INPP4B: variants seen among roughly 807,000 people sequenced by gnomAD.
INPP4B encodes the protein inositol polyphosphate-4-phosphatase type II B.
In INPP4B, 55 loss-of-function variants were observed where a neutral mutation model predicts 122.5. The ratio of observed to expected loss-of-function variants is 0.45; its 90% CI spans 0.36 to 0.56. The LOEUF (loss-of-function observed/expected upper bound fraction) is 0.56, where lower values mean the gene tolerates loss of function less well. Among genes scored for constraint, INPP4B ranks in the 20% least tolerant of loss-of-function variants. The probability of loss-of-function intolerance (pLI) is 0.00; values close to 1 mark genes in which losing one functional copy is unlikely to be tolerated. For synonymous variants in INPP4B, 403 were observed against 388.7 expected (o/e 1.04, Z -0.43); for missense variants, 1,000 against 1,097.7 (o/e 0.91, Z 1.26).
rs181700776 is a variant in INPP4B at position 142,376,184 on chromosome 4, T to A, written c.372+26754A>T. Among the ~76,000 whole-genome samples the A allele has an allele frequency of 5.3e-4, 80 of 152,122 alleles. 1 individual carries two copies. Among genetic ancestry groups the A allele is most frequent in the Middle Eastern group, 3.4e-3 (1 of 294 alleles). On this transcript the variant is annotated intron_variant, in intron 7 of 25. Coordinates refer to ENST00000262992, the MANE Select transcript of INPP4B (RefSeq NM_001101669.3). ...AAATTGTGACACAACTGAAACCTAG[T>A]GTAGCAAATATAATTTCTAGGAACT...
intron 3 of INPP4B, among the ~76,000 whole-genome samples, chr4:142,440,620 C>T (rs963921960): frequency 2.0e-5 from 3 of 152,030 alleles, no homozygotes; most frequent in Admixed American, 6.6e-5. Context: ...AAATACAAGC[C>T]CTATTAACCC....
chr4:142,394,675 A>G (rs149247748), intron 7 of INPP4B, among the ~76,000 whole-genome samples: 1 of 152,184 alleles, frequency 6.6e-6, no homozygotes, highest in East Asian at 1.9e-4. Flanking sequence ...TTGTTTTCTC[A>G]TTATTGAGTT....
intron 2 of INPP4B, among the ~76,000 whole-genome samples, chr4:142,616,353 G>T (rs1340369514): frequency 2.0e-5 from 3 of 152,274 alleles, no homozygotes; most frequent in Non-Finnish European, 4.4e-5. Flanking sequence ...ACTTCAGAGA[G>T]ATATCTCCCA....
chr4:142,718,598 T>G (rs1230888158), intron 2 of INPP4B, among the ~76,000 whole-genome samples: 2 of 152,146 alleles, frequency 1.3e-5, no homozygotes, highest in African/African-American at 4.8e-5. Flanking sequence ...GAATAGCACT[T>G]TCTCATGGCA....
At chr4:142,428,821 G>A (rs930899456) in intron 5 of INPP4B, among the ~76,000 whole-genome samples, 11 of 151,954 alleles carry the variant, frequency 7.2e-5, no homozygotes, top group African/African-American at 2.7e-4. Context: ...GAAATTATAG[G>A]TGGCCAGTCT....
At chr4:142,150,796 A>G (rs570039996) in intron 17 of INPP4B, among the ~76,000 whole-genome samples, 1 of 152,310 alleles carries the variant, frequency 6.6e-6, no homozygotes, top group East Asian at 1.9e-4. Flanking sequence ...ATGTCACACA[A>G]TTGTGAGTTT....
chr4:142,806,805 A>C (rs997834931), intron 1 of INPP4B, among the ~76,000 whole-genome samples: 1 of 147,868 alleles, frequency 6.8e-6, no homozygotes, highest in Non-Finnish European at 1.5e-5. Flanking sequence ...GAAAGAAAGA[A>C]AGAAAGAAAG....
chr4:142,077,231 T>A (rs1771294708), intron 25 of INPP4B, among the ~76,000 whole-genome samples: 1 of 151,948 alleles, frequency 6.6e-6, no homozygotes, highest in South Asian at 2.1e-4. Context: ...AGGTATATGC[T>A]GAAACTTACC....
At chr4:142,813,709 C>T (rs1021666868) in intron 1 of INPP4B, among the ~76,000 whole-genome samples, 2 of 152,108 alleles carry the variant, frequency 1.3e-5, no homozygotes, top group African/African-American at 4.8e-5. Context: ...CAACAAAATA[C>T]ATGAATACTA....
At chr4:142,262,222 G>GAGTC (rs111513178) in intron 10 of INPP4B, among the ~76,000 whole-genome samples, 7 of 152,190 alleles carry the variant, frequency 4.6e-5, no homozygotes, top group African/African-American at 1.7e-4. Flanking sequence ...ATTTAGCTCA[G>GAGTC]AGTCTTATGG....
At chr4:142,282,298 T>C (rs896413829) in intron 9 of INPP4B, among the ~76,000 whole-genome samples, 2 of 152,082 alleles carry the variant, frequency 1.3e-5, no homozygotes, top group Non-Finnish European at 2.9e-5. Flanking sequence ...GGTTACCCTA[T>C]TTGAGAAACA....
intron 2 of INPP4B, among the ~76,000 whole-genome samples, chr4:142,704,854 A>C (rs1044498496): frequency 2.0e-5 from 3 of 152,122 alleles, no homozygotes; most frequent in African/African-American, 7.2e-5. Context: ...TTTCGTATGT[A>C]CTTTTCACCC....
intron 7 of INPP4B, among the ~76,000 whole-genome samples, chr4:142,355,020 A>T (rs1329096500): frequency 6.6e-6 from 1 of 151,912 alleles, no homozygotes; most frequent in African/African-American, 2.4e-5. Context: ...CTTCATTCAC[A>T]TGCCTAGGGC....
chr4:142,395,483 G>A (rs1799075555), intron 7 of INPP4B, among the ~76,000 whole-genome samples: 1 of 152,114 alleles, frequency 6.6e-6, no homozygotes, highest in Non-Finnish European at 1.5e-5. Context: ...TCCGAGAGTT[G>A]ACAGACTTTT....
intron 2 of INPP4B, among the ~76,000 whole-genome samples, chr4:142,637,384 C>T (rs1476507820): frequency 1.3e-5 from 2 of 152,164 alleles, no homozygotes; most frequent in Admixed American, 6.5e-5. Flanking sequence ...CTGTCAATCA[C>T]TCATTTTTTA....
rs1736745920 is a variant in INPP4B, at chr4:142,025,522, C to T, written c.*3260G>A. ...GCATCAGAACGAGCTAGTTCCAGCC[C>T]ACCAGTGGTATTGTGTCTCTTGGTA... On this transcript the variant is annotated 3_prime_UTR_variant, in exon 26 of 26. Transcript: ENST00000262992. 1 of 152,130 alleles carries T rather than the reference C, an allele frequency of 6.6e-6. No individual in the cohort carries two copies. Among genetic ancestry groups the T allele is most frequent in the African/African-American group, 2.4e-5 (1 of 41,428 alleles). The allele number at this position is 152,130 out of a possible 1,614,324, so 9.4% of individuals were successfully genotyped here.
chr4:142,623,333 C>A (rs2150381662), intron 2 of INPP4B, among the ~76,000 whole-genome samples: 1 of 152,098 alleles, frequency 6.6e-6, no homozygotes, highest in Middle Eastern at 3.4e-3. Flanking sequence ...TTACAGGAAT[C>A]TTCCTGGCTT....
intron 2 of INPP4B, among the ~76,000 whole-genome samples, chr4:142,529,278 G>C (rs1353539671): frequency 6.6e-6 from 1 of 152,046 alleles, no homozygotes; most frequent in Non-Finnish European, 1.5e-5. Context: ...GAATTCTTGT[G>C]TAGTATCAAA....
At chr4:142,743,355 A>C (rs996648546) in intron 1 of INPP4B, among the ~76,000 whole-genome samples, 1 of 152,026 alleles carries the variant, frequency 6.6e-6, no homozygotes, top group Non-Finnish European at 1.5e-5. Flanking sequence ...TGAATGGAAT[A>C]TGCAAGGCAA....
Sources: gnomAD v4.1 joint callset for allele counts (sites outside exome capture counted in the v4.1 genomes callset) on GRCh38, gnomAD v4.1.1 for gene constraint, MANE v1.5 for transcripts, NCBI Gene and HGNC (gene_info 2026-07-23, HGNC 2026-07-21) for gene names.